NRXN3: variants seen among roughly 807,000 people sequenced by gnomAD.
NRXN3 encodes the protein neurexin III.
In NRXN3, 32 loss-of-function variants were observed where a neutral mutation model predicts 137.6. That is an observed-to-expected ratio of 0.23 (90% CI 0.18 to 0.31). NRXN3 has a LOEUF of 0.31. Ranked by LOEUF, NRXN3 falls within the 10% of genes least tolerant of loss-of-function variation. The pLI is 1.00. For synonymous variants in NRXN3, 798 were observed against 784.5 expected (o/e 1.02, Z -0.29); for missense variants, 1,574 against 2,062.5 (o/e 0.76, Z 4.59).
intron 8 of NRXN3, among the ~76,000 whole-genome samples, chr14:78,770,505 A>G (rs2152996421): frequency 6.6e-6 from 1 of 152,288 alleles, no homozygotes; most frequent in Middle Eastern, 3.4e-3. Flanking sequence ...CTCCATTCCT[A>G]TTTATGAAAA....
chr14:79,176,104 C>T (rs61992556), intron 15 of NRXN3, among the ~76,000 whole-genome samples: 3 of 152,110 alleles, frequency 2.0e-5, no homozygotes, highest in Non-Finnish European at 4.4e-5. Context: ...GGCTTTGTGC[C>T]TATTAATACT....
intron 15 of NRXN3, among the ~76,000 whole-genome samples, chr14:79,152,825 C>T (rs2059922791): frequency 6.6e-6 from 1 of 151,938 alleles, no homozygotes; most frequent in Non-Finnish European, 1.5e-5. Context: ...GAGGCACACA[C>T]AATTTTATGT....
intron 15 of NRXN3, among the ~76,000 whole-genome samples, chr14:79,170,577 A>G (rs1474019616): frequency 6.6e-6 from 1 of 152,102 alleles, no homozygotes; most frequent in Non-Finnish European, 1.5e-5. Flanking sequence ...TCACTGAATA[A>G]CGTGGGCAAA....
chr14:79,453,755 C>G (rs2096214090), intron 15 of NRXN3, among the ~76,000 whole-genome samples: 1 of 152,134 alleles, frequency 6.6e-6, no homozygotes, highest in East Asian at 1.9e-4. Context: ...TTTATTTGTC[C>G]AAATTTGAAA....
intron 16 of NRXN3, among the ~76,000 whole-genome samples, chr14:79,585,135 G>T (rs557609471): frequency 6.6e-5 from 10 of 152,192 alleles, no homozygotes; most frequent in Non-Finnish European, 1.5e-5. Flanking sequence ...CATGACAAAT[G>T]ATCTATTTTA....
At chr14:78,707,234 A>C (rs1055825279) in intron 6 of NRXN3, among the ~76,000 whole-genome samples, 3 of 152,208 alleles carry the variant, frequency 2.0e-5, no homozygotes, top group Non-Finnish European at 4.4e-5. Flanking sequence ...TGCCAAAGTC[A>C]CATAGCTTGT....
chr14:79,833,216 T>A (rs2099328472), intron 20 of NRXN3, among the ~76,000 whole-genome samples: 1 of 152,158 alleles, frequency 6.6e-6, no homozygotes, highest in Non-Finnish European at 1.5e-5. Context: ...AATATCAAAC[T>A]ACACAATATC....
intron 4 of NRXN3, 104 bp downstream of exon 4, chr14:78,297,964 T>C: frequency 7.5e-7 from 1 of 1,336,512 alleles, no homozygotes; most frequent in Non-Finnish European, 1.0e-6. Flanking sequence ...ATTCGCTGCC[T>C]GTCCTTCCTG....
chr14:79,274,294 C>T (rs2079917539), intron 15 of NRXN3, among the ~76,000 whole-genome samples: 1 of 151,948 alleles, frequency 6.6e-6, no homozygotes, highest in African/African-American at 2.4e-5. Context: ...CAGTGGTCCC[C>T]ATACCTATTG....
At chr14:78,942,890 T>C (rs922307658) in intron 10 of NRXN3, among the ~76,000 whole-genome samples, 19 of 151,656 alleles carry the variant, frequency 1.3e-4, no homozygotes, top group Admixed American at 6.6e-5. Flanking sequence ...AATGTACAAT[T>C]ATTTTTCAGT....
intron 15 of NRXN3, among the ~76,000 whole-genome samples, chr14:79,272,958 G>A (rs924884632): frequency 2.0e-5 from 3 of 152,024 alleles, no homozygotes; most frequent in Non-Finnish European, 4.4e-5. Flanking sequence ...GGATCACGAG[G>A]TCAGGAGATG....
At chr14:79,376,210 G>GTGTA (rs2094283647) in intron 15 of NRXN3, among the ~76,000 whole-genome samples, 2 of 40,794 alleles carry the variant, frequency 4.9e-5, no homozygotes, top group Admixed American at 2.9e-4. Flanking sequence ...GTGTGTGTGT[G>GTGTA]TATGTATATA....
intron 4 of NRXN3, among the ~76,000 whole-genome samples, chr14:78,478,651 C>T (rs1470091944): frequency 6.6e-6 from 1 of 152,080 alleles, no homozygotes; most frequent in Admixed American, 6.6e-5. Flanking sequence ...TACAAAATAA[C>T]CTTGACACAA....
intron 19 of NRXN3, among the ~76,000 whole-genome samples, chr14:79,720,920 C>T (rs1328044321): frequency 2.0e-5 from 3 of 151,922 alleles, no homozygotes; most frequent in Non-Finnish European, 4.4e-5. Flanking sequence ...AAGTAGGGAG[C>T]ATGTTTGAAG....
At chr14:79,210,940 C>T (rs928007904) in intron 15 of NRXN3, among the ~76,000 whole-genome samples, 3 of 152,214 alleles carry the variant, frequency 2.0e-5, no homozygotes, top group Middle Eastern at 3.4e-3. Flanking sequence ...TTTTAAATTT[C>T]ATCACTTGGT....
At chr14:79,341,212 C>T (rs1040706017) in intron 15 of NRXN3, among the ~76,000 whole-genome samples, 1 of 152,106 alleles carries the variant, frequency 6.6e-6, no homozygotes, top group African/African-American at 2.4e-5. Context: ...ACATTTTTAA[C>T]ATTTACAGGT....
At chr14:78,604,962 G>A (rs1302362325) in intron 4 of NRXN3, among the ~76,000 whole-genome samples, 1 of 152,140 alleles carries the variant, frequency 6.6e-6, no homozygotes, top group Non-Finnish European at 1.5e-5. Flanking sequence ...AGTCTCAAAG[G>A]ATATTCAAGA....
chr14:79,542,286 T>C (rs1169337204), intron 16 of NRXN3, among the ~76,000 whole-genome samples: 1 of 152,164 alleles, frequency 6.6e-6, no homozygotes, highest in African/African-American at 2.4e-5. Context: ...TTGTTTTTCT[T>C]TTTCAATACC....
intron 10 of NRXN3, among the ~76,000 whole-genome samples, chr14:78,952,272 G>A (rs2099388609): frequency 6.6e-6 from 1 of 151,980 alleles, no homozygotes; most frequent in African/African-American, 2.4e-5. Flanking sequence ...TTAAAACTAA[G>A]TTTGTAAAAA....
Sources: gnomAD v4.1 joint callset for allele counts (sites outside exome capture counted in the v4.1 genomes callset) on GRCh38, gnomAD v4.1.1 for gene constraint, MANE v1.5 for transcripts, NCBI Gene and HGNC (gene_info 2026-07-23, HGNC 2026-07-21) for gene names.